The following CUX1 variants were observed in gnomAD, a reference collection of about 807,000 sequenced individuals.
CUX1 encodes the protein protein CASP.
Under a neutral mutation model 158.8 loss-of-function variants are expected in CUX1, and 31 were observed. The ratio of observed to expected loss-of-function variants is 0.20; its 90% CI spans 0.15 to 0.26. The LOEUF (loss-of-function observed/expected upper bound fraction) is 0.26. CUX1 is among the 10% of genes least tolerant of loss of function. CUX1 has a pLI of 1.00. For synonymous variants in CUX1, 879 were observed against 862.1 expected (o/e 1.02, Z -0.34); for missense variants, 1,589 against 2,014.6 (o/e 0.79, Z 4.04).
intron 20 of CUX1, among the ~76,000 whole-genome samples, 161 bp from the exon 21 acceptor site, chr7:102,227,206 A>C (rs1038717927): frequency 4.6e-5 from 7 of 152,132 alleles, no homozygotes; most frequent in Non-Finnish European, 7.4e-5. Context: ...GGTTACTCTC[A>C]GTCAAAAAAA....
chr7:102,113,698 C>T (rs1195537847), intron 7 of CUX1, among the ~76,000 whole-genome samples: 3 of 152,154 alleles, frequency 2.0e-5, no homozygotes, highest in Admixed American at 6.5e-5. Flanking sequence ...GCTGGGACTG[C>T]AGGCAAACAC....
At chr7:101,939,115 G>A (rs1388196321) in intron 2 of CUX1, among the ~76,000 whole-genome samples, 1 of 86,556 alleles carries the variant, frequency 1.2e-5, no homozygotes, top group Admixed American at 1.6e-4. Context: ...ATATATATAT[G>A]ATGGTTCCAC....
In CUX1 at chr7:102,258,194, G is replaced by GGTGTGCTATTT. The variant is rs1790108227; in HGVS notation, c.*9157_*9158insCTATTTGTGTG. The GGTGTGCTATTT allele has an allele frequency of 1.0e-6, 1 of 984,496 alleles. No individual in the cohort carries two copies. The highest frequency in any genetic ancestry group is 4.7e-5 in the South Asian group (1 of 21,272). 61.0% of individuals were successfully genotyped at this position (984,496 alleles called of 1,614,324 possible). Reference sequence around the variant, plus strand: ...TGTATTATTATTCACTAGCACCCTAGGTGTGATAATTGAAGTAAATATCTT... The same window carrying GGTGTGCTATTT: ...TGTATTATTATTCACTAGCACCCTAGGTGTGCTATTTGTGTGATAATTGAAGTAAATATCTT... On this transcript the variant is annotated 3_prime_UTR_variant, in exon 24 of 24. Coordinates refer to ENST00000292535, the MANE Select transcript of CUX1 (RefSeq NM_181552.4).
chr7:101,912,469 C>T (rs191176337), intron 1 of CUX1, among the ~76,000 whole-genome samples: 3 of 152,174 alleles, frequency 2.0e-5, no homozygotes, highest in Admixed American at 1.3e-4. Flanking sequence ...TGTACGCACT[C>T]GTTCACATTT....
At chr7:102,177,413 CAAAA>C (rs1219318950) in intron 10 of CUX1, among the ~76,000 whole-genome samples, 2 of 106,100 alleles carry the variant, frequency 1.9e-5, no homozygotes, top group Middle Eastern at 5.0e-3. Flanking sequence ...AACTCTATCT[CAAAA>C]AAAAAAAAAA....
At chr7:102,141,238 T>A (rs1554500175) in intron 8 of CUX1, among the ~76,000 whole-genome samples, 1 of 152,164 alleles carries the variant, frequency 6.6e-6, no homozygotes, top group South Asian at 2.1e-4. Flanking sequence ...AGAGGAAGGA[T>A]GCTGTCTTTC....
rs1015357108 is a variant in CUX1 at position 102,252,140 on chromosome 7, A to C, written c.*3098A>C. On this transcript the variant is annotated 3_prime_UTR_variant, in exon 24 of 24. Transcript: ENST00000292535. The stretch of plus-strand genomic sequence containing the variant: ...TTATTTATTTTTTTAAAAAAAATAG[A>C]GATCCTAACCTTAGATCTTTGATGT... 1.0e-6 allele frequency: 1 copy of C among 984,814 alleles called. No homozygotes were observed. The highest frequency in any genetic ancestry group is 1.7e-5 in the African/African-American group (1 of 57,198). 61.0% of individuals were successfully genotyped at this position (984,814 alleles called of 1,614,324 possible).
chr7:102,203,870 GC>G (rs2132059179), intron 18 of CUX1, among the ~76,000 whole-genome samples: 1 of 152,244 alleles, frequency 6.6e-6, no homozygotes, highest in East Asian at 1.9e-4. Flanking sequence ...TCACCTCTGG[GC>G]CCCCACCTTT....
Position 102,268,833 on chromosome 7 carries a change from TAAAC to T in CUX1, c.1256-4530_1256-4527del, listed in dbSNP as rs535333114. Among the ~76,000 whole-genome samples the T allele has an allele frequency of 2.0e-3, 298 of 151,804 alleles. 4 individuals carry two copies. The highest frequency in any genetic ancestry group is 0.018 in the Admixed American group (273 of 15,226). On this transcript the variant is annotated intron_variant, in intron 14 of 22. Coordinates refer to the CUX1 transcript ENST00000292538. The stretch of plus-strand genomic sequence containing the variant: ...GGGGTGGGGGAGGTGCCACGCTCCT[TAAAC>T]AACCAGATCCCTATCTCAGAGACAG...
At position 102,205,078 on chromosome 7, in the gene CUX1, G is replaced by A. The variant is rs371321219; in HGVS notation, c.3074-36G>A. On this transcript the variant is annotated intron_variant, in intron 19 of 23. Transcript: ENST00000292535. ...TAGGAAGCTTTAAGCCCTGGGCCGC[G>A]TTCCTTCCTTTAATTATAACCTTTT... 239 of 1,478,728 alleles carry A rather than the reference G, an allele frequency of 1.6e-4. 1 individual carries two copies. The highest frequency in any genetic ancestry group is 1.5e-4 in the Non-Finnish European group (159 of 1,058,000). The allele number at this position is 1,478,728 out of a possible 1,614,324, so 91.6% of individuals were successfully genotyped here.
intron 2 of CUX1, among the ~76,000 whole-genome samples, chr7:101,989,041 C>G (rs1297565744): frequency 6.6e-6 from 1 of 151,974 alleles, no homozygotes; most frequent in African/African-American, 2.4e-5. Flanking sequence ...GGGAAGGACA[C>G]TCAGATTTCC....
intron 20 of CUX1, among the ~76,000 whole-genome samples, chr7:102,222,521 G>A (rs1294911070): frequency 6.6e-6 from 1 of 152,142 alleles, no homozygotes; most frequent in Non-Finnish European, 1.5e-5. Context: ...GAAGCCACAT[G>A]CAGACGCCCT....
rs1317298399 is a variant in CUX1 at position 102,059,524 on chromosome 7, C to T, written c.190-10815C>T. Among the ~76,000 whole-genome samples the T allele has an allele frequency of 6.0e-5, 9 of 150,410 alleles. No individual in the cohort carries two copies. The Admixed American group carries it at 6.0e-4, about 10-fold the overall frequency. On this transcript the variant is annotated intron_variant, in intron 3 of 23. Coordinates refer to ENST00000292535, the MANE Select transcript of CUX1 (RefSeq NM_181552.4). ...GCAGGTGCCTGTAGTCCCAGCTACT[C>T]GGGAGGCTAAGGCAGGAGAATCACT...
Position 102,250,068 on chromosome 7 carries a change from A to G in CUX1, c.*1026A>G. 1 of 985,214 alleles carries G rather than the reference A, an allele frequency of 1.0e-6. No individual in the cohort carries two copies. The highest frequency in any genetic ancestry group is 1.2e-6 in the Non-Finnish European group (1 of 829,518). The allele number at this position is 985,214 out of a possible 1,614,324, so 61.0% of individuals were successfully genotyped here. On this transcript the variant is annotated 3_prime_UTR_variant, in exon 24 of 24. Transcript: ENST00000292535. ...CAAAAAAAAGAAAAAAAAAGAAAAA[A>G]AAAAAAGAAAAGATCCGAATCTAGG...
intron 10 of CUX1, among the ~76,000 whole-genome samples, chr7:102,175,713 A>G (rs981317551): frequency 1.3e-5 from 2 of 151,400 alleles, no homozygotes; most frequent in African/African-American, 4.9e-5. Flanking sequence ...CCCACGTGCC[A>G]CTGTCCTGGT....
Position 102,204,432 on chromosome 7 carries a change from C to A in CUX1, c.2949C>A (p.Ser983=), listed in dbSNP as rs782506480. 6.2e-7 allele frequency: 1 copy of A among 1,613,678 alleles called. No individual in the cohort carries two copies. Among genetic ancestry groups the A allele is most frequent in the African/African-American group, 1.3e-5 (1 of 75,066 alleles). The change falls in exon 19 of 24, where the codon TCC becomes TCA. Residue 983 remains serine, a synonymous_variant. Coordinates refer to ENST00000292535, the MANE Select transcript of CUX1 (RefSeq NM_181552.4). ...AGGGCAGCGTCAGCGACATGCTGTC[C>A]CGACCGAAGCCATGGAGCAAGCTGA... is the stretch of plus-strand genomic sequence containing the variant. The part of the protein sequence containing the change: ...LSQGSVSDML[S]RPKPWSKLTQ...
intron 1 of CUX1, among the ~76,000 whole-genome samples, chr7:101,856,895 C>G (rs767905189): frequency 6.6e-6 from 1 of 152,222 alleles, no homozygotes; most frequent in Non-Finnish European, 1.5e-5. Flanking sequence ...GCCTGCCAGC[C>G]GTACCACAGG....
At chr7:102,101,965 C>T (rs573456911) in intron 5 of CUX1, among the ~76,000 whole-genome samples, 1 of 151,822 alleles carries the variant, frequency 6.6e-6, no homozygotes, top group African/African-American at 2.4e-5. Flanking sequence ...AGAGTGTAGA[C>T]CATTGACGTA....
At chr7:102,169,249 A>G (rs1791456823) in intron 9 of CUX1, among the ~76,000 whole-genome samples, 3 of 151,898 alleles carry the variant, frequency 2.0e-5, no homozygotes, top group African/African-American at 7.3e-5. Flanking sequence ...TTGTATTTTT[A>G]GTAGAGATAT....
Sources: allele counts gnomAD v4.1 joint callset (sites outside exome capture counted in the v4.1 genomes callset), GRCh38; gene constraint gnomAD v4.1.1; transcripts MANE v1.5; gene names NCBI Gene and HGNC (gene_info 2026-07-23, HGNC 2026-07-21).